The following WWOX variants were observed in gnomAD, a reference collection of about 807,000 sequenced individuals.
WWOX encodes WW domain-containing oxidoreductase.
In WWOX, 69 loss-of-function variants were observed where a neutral mutation model predicts 46.2. That is an observed-to-expected ratio of 1.49 (90% confidence interval 1.23 to 1.82). The LOEUF is 1.82. Among genes scored for constraint, WWOX ranks in the 40% most tolerant of loss-of-function variants. The probability of loss-of-function intolerance (pLI) is 0.00; values close to 1 mark genes in which losing one functional copy is unlikely to be tolerated. For missense variants in WWOX, 919 were observed against 542.6 expected, an observed-to-expected ratio of 1.69 and a Z score of -6.89; for synonymous variants, 359 against 202.6, an observed-to-expected ratio of 1.77 and a Z score of -6.56.
At chr16:78,932,279 G>A (rs946240369) in intron 8 of WWOX, among the ~76,000 whole-genome samples, 15 of 152,096 alleles carry the variant, frequency 9.9e-5, no homozygotes, top group African/African-American at 3.4e-4. Flanking sequence ...GGTCCTGTCC[G>A]CAAACAGAGA....
intron 8 of WWOX, among the ~76,000 whole-genome samples, chr16:78,736,554 C>A (rs62036145): frequency 1.3e-5 from 2 of 151,114 alleles, no homozygotes; most frequent in African/African-American, 4.8e-5. Flanking sequence ...CAATGTTTTC[C>A]TTTTCTTCTC....
At chr16:78,786,229 C>G (rs564904284) in intron 8 of WWOX, among the ~76,000 whole-genome samples, 1 of 152,234 alleles carries the variant, frequency 6.6e-6, no homozygotes, top group South Asian at 2.1e-4. Flanking sequence ...ATTTTCTACC[C>G]CACTTTCTTA....
At chr16:79,122,372 C>G (rs1022769719) in intron 8 of WWOX, among the ~76,000 whole-genome samples, 11 of 152,168 alleles carry the variant, frequency 7.2e-5, no homozygotes, top group African/African-American at 2.7e-4. Context: ...CTTCTAAAAG[C>G]CGCACAAAAT....
chr16:79,019,157 C>CAAAAAAAAAAA (rs903333994), intron 8 of WWOX, among the ~76,000 whole-genome samples: 116 of 24,474 alleles, frequency 4.7e-3, no homozygotes, highest in Non-Finnish European at 5.9e-3. Context: ...GACCTTGTCT[C>CAAAAAAAAAAA]AAAAAAAAAA....
chr16:79,058,586 G>T (rs80198462), intron 8 of WWOX, among the ~76,000 whole-genome samples: 145 of 152,252 alleles, frequency 9.5e-4, no homozygotes, highest in African/African-American at 3.2e-3. Context: ...TGTGGTGAAT[G>T]AAAATAACTT....
intron 8 of WWOX, among the ~76,000 whole-genome samples, chr16:79,006,095 C>A (rs920871360): frequency 1.3e-5 from 2 of 152,164 alleles, no homozygotes; most frequent in Admixed American, 1.3e-4. Flanking sequence ...CTAGGGAAGT[C>A]CCTGGTCCAG....
chr16:78,651,070 A>C (rs2046955410), intron 8 of WWOX, among the ~76,000 whole-genome samples: 1 of 152,250 alleles, frequency 6.6e-6, no homozygotes, highest in African/African-American at 2.4e-5. Flanking sequence ...CATCTGTTCA[A>C]CTGTTGTATT....
intron 4 of WWOX, among the ~76,000 whole-genome samples, chr16:78,138,169 A>G (rs1326995080): frequency 6.6e-6 from 1 of 150,734 alleles, no homozygotes; most frequent in Admixed American, 6.6e-5. Flanking sequence ...TCACATGACA[A>G]CGCCAGTCCC....
chr16:78,922,674 C>A (rs1488934428), intron 8 of WWOX, among the ~76,000 whole-genome samples: 1 of 152,150 alleles, frequency 6.6e-6, no homozygotes, highest in South Asian at 2.1e-4. Flanking sequence ...CCACGACCAC[C>A]AGCCTCAGTG....
At chr16:78,350,370 G>C (rs1840530557) in intron 5 of WWOX, among the ~76,000 whole-genome samples, 1 of 121,344 alleles carries the variant, frequency 8.2e-6, no homozygotes, top group African/African-American at 2.8e-5. Flanking sequence ...TTTTGCAGCT[G>C]TCACCACAGT....
At chr16:78,154,972 C>T (rs545458363) in intron 4 of WWOX, among the ~76,000 whole-genome samples, 1 of 152,176 alleles carries the variant, frequency 6.6e-6, no homozygotes, top group Non-Finnish European at 1.5e-5. Flanking sequence ...GGGTGATGAT[C>T]ATGGTCAACA....
intron 8 of WWOX, among the ~76,000 whole-genome samples, chr16:79,049,980 T>C (rs572892066): frequency 6.6e-6 from 1 of 152,200 alleles, no homozygotes; most frequent in South Asian, 2.1e-4. Flanking sequence ...GTCATGCTTG[T>C]ACCTGAGGGA....
intron 8 of WWOX, among the ~76,000 whole-genome samples, chr16:78,504,159 T>A (rs749039739): frequency 6.6e-6 from 1 of 152,206 alleles, no homozygotes; most frequent in Non-Finnish European, 1.5e-5. Context: ...TAGGCATGGT[T>A]AATAAATAAC....
chr16:78,868,468 G>C (rs2044054206), intron 8 of WWOX, among the ~76,000 whole-genome samples: 2 of 91,340 alleles, frequency 2.2e-5, no homozygotes, highest in African/African-American at 7.8e-5. Context: ...TGCACAACTG[G>C]ATAAATATAC....
chr16:79,036,494 A>G (rs953065137), intron 8 of WWOX, among the ~76,000 whole-genome samples: 2 of 152,226 alleles, frequency 1.3e-5, no homozygotes, highest in African/African-American at 2.4e-5. Flanking sequence ...CCTATGGTGC[A>G]GCTTCCTCCG....
At chr16:78,144,640 G>C (rs780986761) in intron 4 of WWOX, among the ~76,000 whole-genome samples, 2 of 147,780 alleles carry the variant, frequency 1.4e-5, no homozygotes, top group African/African-American at 5.0e-5. Flanking sequence ...TCCTGCCTCA[G>C]CCTCCCAATA....
At chr16:78,114,149 G>A (rs529792353) in intron 3 of WWOX, among the ~76,000 whole-genome samples, 1 of 146,232 alleles carries the variant, frequency 6.8e-6, no homozygotes, top group Non-Finnish European at 1.5e-5. Context: ...CCAGGCTAGA[G>A]TGCAGTGGCA....
intron 8 of WWOX, among the ~76,000 whole-genome samples, chr16:78,991,360 G>A (rs1200036219): frequency 2.0e-5 from 3 of 152,230 alleles, no homozygotes; most frequent in Middle Eastern, 3.4e-3. Flanking sequence ...TTGGGAGGCT[G>A]AGATGGGAGG....
intron 8 of WWOX, among the ~76,000 whole-genome samples, chr16:78,822,851 G>T (rs866877020): frequency 1.3e-5 from 2 of 151,748 alleles, no homozygotes; most frequent in South Asian, 2.1e-4. Context: ...AGAGTCATTT[G>T]TAAATTAGGG....
Sources: allele counts gnomAD v4.1 joint callset (sites outside exome capture counted in the v4.1 genomes callset), GRCh38; gene constraint gnomAD v4.1.1; transcripts MANE v1.5; gene names NCBI Gene and HGNC (gene_info 2026-07-23, HGNC 2026-07-21).